Variants in PIGR observed in about 807,000 individuals in gnomAD.
PIGR encodes polymeric immunoglobulin receptor.
A neutral mutation model predicts 69.5 loss-of-function variants in PIGR; 22 were observed. The observed-to-expected ratio is 0.32, with a 90% CI of 0.23 to 0.45. PIGR has a LOEUF of 0.45. Ranked by LOEUF, PIGR falls within the 20% of genes least tolerant of loss-of-function variation. The pLI is 1.00. For missense variants in PIGR, 885 were observed against 974.0 expected (o/e 0.91, Z 1.22); for synonymous variants, 413 against 407.6 (o/e 1.01, Z -0.16).
Position 206,933,169 on chromosome 1 carries a change from G to A in PIGR, c.1706-3C>T, listed in dbSNP as rs1466460088. The A allele has an allele frequency of 6.2e-7, 1 of 1,613,844 alleles. No homozygotes were observed. The highest frequency in any genetic ancestry group is 8.5e-7 in the Non-Finnish European group (1 of 1,179,836). The stretch of plus-strand genomic sequence containing the variant: ...CGCTAGGCTGACATCGCGGGACCCT[G>A]CAGCAGGGAAGAGTGGGCCTGGGTT... On this transcript the variant is annotated splice_region_variant and splice_polypyrimidine_tract_variant and intron_variant, in intron 6 of 10. Coordinates refer to ENST00000356495, the MANE Select transcript of PIGR (RefSeq NM_002644.4).
At position 206,932,546 on chromosome 1, in the gene PIGR, G is replaced by T. The variant is rs1464207146; in HGVS notation, c.1918C>A (p.Leu640Met). The part of the protein sequence containing the change: ...SEEQGGSSRA[L>M]VSTLVPLGLV... ...CCCAGGGGCACCAGGGTGGAGACCAGCGCTCTGGAGCTTCCACCTTGTTCC... is the reference window on the plus strand; with the variant it reads ...CCCAGGGGCACCAGGGTGGAGACCATCGCTCTGGAGCTTCCACCTTGTTCC... Residue 640 changes from leucine to methionine, a missense_variant, in exon 8 of 11, where the codon CTG (leucine) becomes ATG (methionine). Leu to Met is a conservative substitution (Grantham distance 15, BLOSUM62 2). Coordinates refer to ENST00000356495, the MANE Select transcript of PIGR (RefSeq NM_002644.4). 9.9e-6 allele frequency: 16 copies of T among 1,613,676 alleles called. No homozygotes were observed. The highest frequency in any genetic ancestry group is 1.2e-5 in the Non-Finnish European group (14 of 1,179,880).
chr1:206,937,249 G>C lies in PIGR; in HGVS notation c.891C>G (p.Ile297Met). 6.2e-7 allele frequency: 1 copy of C among 1,614,106 alleles called. No individual in the cohort carries two copies. Among genetic ancestry groups the C allele is most frequent in the Non-Finnish European group, 8.5e-7 (1 of 1,180,000 alleles). Reference protein sequence around the residue: ...GKRAPAFEGRILLNPQDKDGS... With the variant: ...GKRAPAFEGRMLLNPQDKDGS... ...CATCCTTGTCCTGGGGGTTGAGCAG[G>C]ATCCTGCCCTCAAAGGCTGGGGCCC... Residue 297 changes from isoleucine (I) to methionine (M), a missense_variant, in exon 4 of 11, where the codon ATC becomes ATG. Ile to Met is a conservative substitution (Grantham distance 10). Coordinates refer to ENST00000356495, the MANE Select transcript of PIGR (RefSeq NM_002644.4).
chr1:206,940,425 T>C (rs375987951), intron 2 of PIGR, 64 bp downstream of exon 2: 2 of 1,465,450 alleles, frequency 1.4e-6, no homozygotes, highest in African/African-American at 2.8e-5. Flanking sequence ...CCCAGGGAGG[T>C]GAACCCTGGA....
chr1:206,934,402 C>T lies in PIGR; in HGVS notation c.1705+18G>A. 2 of 1,606,102 alleles carry T rather than the reference C, an allele frequency of 1.2e-6. No individual in the cohort carries two copies. The highest frequency in any genetic ancestry group is 1.7e-6 in the Non-Finnish European group (2 of 1,175,246). ...CCTCTGGGTCTGAGGGGTGCAGGCC[C>T]TGTCCTTGGAGACTCACCCGCTGCC... On this transcript the variant is annotated intron_variant, in intron 6 of 10. Coordinates refer to ENST00000356495, the MANE Select transcript of PIGR (RefSeq NM_002644.4).
chr1:206,945,295 AC>A (rs993702451), intron 1 of PIGR, among the ~76,000 whole-genome samples: 2 of 152,172 alleles, frequency 1.3e-5, no homozygotes, highest in Non-Finnish European at 2.9e-5. Context: ...AAGTGATGGC[AC>A]AAAATAGGAG....
Position 206,935,607 on chromosome 1 carries a change from T to C in PIGR, c.1257A>G (p.Pro419=). The C allele has an allele frequency of 6.2e-7, 1 of 1,614,240 alleles. No individual in the cohort carries two copies. Among genetic ancestry groups the C allele is most frequent in the Non-Finnish European group, 8.5e-7 (1 of 1,180,042 alleles). The change falls in exon 5 of 11, where the codon CCA becomes CCG. Residue 419 remains proline (P), a synonymous_variant. Transcript: ENST00000356495. The surrounding 1 kb of genome is among the most constrained non-coding windows in gnomAD (Gnocchi z 4.4). ...GGATGACAGTGAAGGTGCCGTTGCCTGGCTCCTCCAGCAGGGAGAGGCGGC... is the reference window on the plus strand; with the variant it reads ...GGATGACAGTGAAGGTGCCGTTGCCCGGCTCCTCCAGCAGGGAGAGGCGGC... ...YEGRLSLLEE[P]GNGTFTVILN...
intron 1 of PIGR, among the ~76,000 whole-genome samples, chr1:206,944,887 G>A (rs1344577886): frequency 6.6e-6 from 1 of 152,144 alleles, no homozygotes; most frequent in Non-Finnish European, 1.5e-5. Flanking sequence ...GACTCACGGT[G>A]TCTTGGTTTC....
rs753859851 is a variant in PIGR, at chr1:206,939,292, C to T, written c.215G>A (p.Gly72Asp). The T allele has an allele frequency of 2.5e-6, 4 of 1,614,132 alleles. No individual in the cohort carries two copies. The highest frequency in any genetic ancestry group is 3.4e-6 in the Non-Finnish European group (4 of 1,180,050). Residue 72 changes from glycine to aspartate, a missense_variant, in exon 3 of 11, where the codon GGC becomes GAC. By Grantham distance (94) the Gly-to-Asp change is moderately conservative. Transcript: ENST00000356495. The part of the protein sequence containing the change: ...GGCITLISSE[G>D]YVSSKYAGRA... ...GCCTGCATATTTGCTGGAGACGTAG[C>T]CCTCCGAGGAGATGAGGGTTATGCA...
chr1:206,937,818 C>G (rs1679896859), intron 3 of PIGR, 67 bp from the exon 4 acceptor site: 1 of 1,372,298 alleles, frequency 7.3e-7, no homozygotes, highest in Admixed American at 1.9e-5. Flanking sequence ...CAACATAGGA[C>G]TATTTGCTAT....
intron 1 of PIGR, among the ~76,000 whole-genome samples, chr1:206,943,539 T>G (rs944469464): frequency 6.6e-6 from 1 of 152,218 alleles, no homozygotes; most frequent in African/African-American, 2.4e-5. Context: ...AATTGTGGAT[T>G]GGGGCAGGAG....
chr1:206,931,916 G>T, intron 8 of PIGR, 114 bp from the exon 9 acceptor site: 1 of 1,150,914 alleles, frequency 8.7e-7, no homozygotes, highest in Non-Finnish European at 1.3e-6. Context: ...AGCTGAGGTG[G>T]TGCAGCTCTG....
Position 206,937,498 on chromosome 1 carries a change from A to G in PIGR, c.642T>C (p.Asp214=). Residue 214 remains aspartate (D), a synonymous_variant, in exon 4 of 11, where the codon GAT becomes GAC. Transcript: ENST00000356495. ...CAGCCTGGCAGAGATACTGCCCAGCATCGCTGAGCCTGAGTTGGTTGATGA... is the reference window on the plus strand; with the variant it reads ...CAGCCTGGCAGAGATACTGCCCAGCGTCGCTGAGCCTGAGTTGGTTGATGA... The part of the protein sequence containing the change: ...SVVINQLRLS[D]AGQYLCQAGD... 1 of 1,614,200 alleles carries G rather than the reference A, an allele frequency of 6.2e-7. No individual in the cohort carries two copies. The highest frequency in any genetic ancestry group is 1.1e-5 in the South Asian group (1 of 91,086).
In PIGR at chr1:206,937,110, G is replaced by A. The variant is rs1197005869; in HGVS notation, c.1030C>T (p.Leu344Phe). 2 of 1,599,630 alleles carry A rather than the reference G, an allele frequency of 1.3e-6. No homozygotes were observed. Among genetic ancestry groups the A allele is most frequent in the African/African-American group, 1.3e-5 (1 of 74,566 alleles). The change falls in exon 4 of 11, where the codon CTC becomes TTC. Residue 344 changes from leucine to phenylalanine, a missense_variant. Leu to Phe is a conservative substitution (Grantham distance 22). Coordinates refer to ENST00000356495, the MANE Select transcript of PIGR (RefSeq NM_002644.4). ...AGGGTCTTACCCTCATTGACGAAGA[G>A]TTGCCAGGCCTGGATAGGCGAGCCT... ...QEGSPIQAWQ[L>F]FVNEESTIPR... is the part of the protein sequence containing the mutation.
At chr1:206,938,689 T>A (rs1282661983) in intron 3 of PIGR, among the ~76,000 whole-genome samples, 1 of 151,970 alleles carries the variant, frequency 6.6e-6, no homozygotes, top group African/African-American at 2.4e-5. Context: ...AAAAAAAAAA[T>A]ATGCATTTTA....
At chr1:206,943,544 C>G (rs752782764) in intron 1 of PIGR, among the ~76,000 whole-genome samples, 1 of 152,180 alleles carries the variant, frequency 6.6e-6, no homozygotes, top group Non-Finnish European at 1.5e-5. Flanking sequence ...TGGATTGGGG[C>G]AGGAGTGTAA....
chr1:206,939,294 C>A lies in PIGR; in HGVS notation c.213G>T (p.Glu71Asp). The A allele has an allele frequency of 2.5e-6, 4 of 1,614,212 alleles. No homozygotes were observed. The highest frequency in any genetic ancestry group is 3.4e-6 in the Non-Finnish European group (4 of 1,180,042). Residue 71 changes from glutamate to aspartate, a missense_variant, in exon 3 of 11, where the codon GAG becomes GAT. Glu to Asp is a conservative substitution (Grantham distance 45, BLOSUM62 2). Transcript: ENST00000356495. Reference protein sequence around the residue: ...RGGCITLISSEGYVSSKYAGR... With the variant: ...RGGCITLISSDGYVSSKYAGR... ...CTGCATATTTGCTGGAGACGTAGCC[C>A]TCCGAGGAGATGAGGGTTATGCAGC...
chr1:206,943,864 C>T (rs939412669), intron 1 of PIGR, among the ~76,000 whole-genome samples: 2 of 152,174 alleles, frequency 1.3e-5, no homozygotes, highest in African/African-American at 4.8e-5. Flanking sequence ...TTTCCAGGTG[C>T]TTTACATGTG....
At chr1:206,944,214 C>T (rs999840872) in intron 1 of PIGR, among the ~76,000 whole-genome samples, 1 of 152,156 alleles carries the variant, frequency 6.6e-6, no homozygotes, top group Admixed American at 6.5e-5. Flanking sequence ...GTGGCTCACG[C>T]CTGTAATCCC....
chr1:206,942,058 T>C (rs1679998907), intron 1 of PIGR, among the ~76,000 whole-genome samples: 2 of 152,226 alleles, frequency 1.3e-5, no homozygotes. Context: ...ATTTCTTTGT[T>C]GCAGGGGAAT....
Sources: gnomAD v4.1 joint callset for allele counts (sites outside exome capture counted in the v4.1 genomes callset) on GRCh38, gnomAD v4.1.1 for gene constraint, Gnocchi (gnomAD v3.1) non-coding constraint, MANE v1.5 for transcripts, NCBI Gene and HGNC (gene_info 2026-07-23, HGNC 2026-07-21) for gene names.